PRMT8: variants seen among roughly 807,000 people sequenced by gnomAD.
PRMT8 encodes the protein protein arginine methyltransferase 8.
In PRMT8, 7 loss-of-function variants were observed where a neutral mutation model predicts 47.1. The observed-to-expected ratio is 0.15, with a 90% confidence interval of 0.08 to 0.28. The LOEUF is 0.28. Among genes scored for constraint, PRMT8 ranks in the 10% least tolerant of loss-of-function variants. The pLI, the probability that PRMT8 is intolerant of heterozygous loss-of-function variation, is 1.00. For synonymous variants in PRMT8, 188 were observed against 186.5 expected, an observed-to-expected ratio of 1.01 and a Z score of -0.07; for missense variants, 237 against 505.4, an observed-to-expected ratio of 0.47 and a Z score of 5.09.
chr12:3,536,667 C>T (rs954362952), intron 1 of PRMT8, among the ~76,000 whole-genome samples: 4 of 152,178 alleles, frequency 2.6e-5, no homozygotes, highest in African/African-American at 9.7e-5. Context: ...AGGGTCCTCC[C>T]TGGTGGCTGA....
At chr12:3,429,109 G>A (rs1236921503) in intron 1 of PRMT8, among the ~76,000 whole-genome samples, 1 of 152,050 alleles carries the variant, frequency 6.6e-6, no homozygotes, top group Admixed American at 6.6e-5. Context: ...TCTGTCAGCT[G>A]CTTATGCTGC....
intron 1 of PRMT8, among the ~76,000 whole-genome samples, chr12:3,479,343 G>A (rs1233426616): frequency 1.3e-5 from 2 of 152,164 alleles, no homozygotes; most frequent in Admixed American, 6.5e-5. Flanking sequence ...TGGCTTTTCC[G>A]CCATTGCCCC....
intron 1 of PRMT8, among the ~76,000 whole-genome samples, chr12:3,412,933 A>C (rs938162203): frequency 2.0e-5 from 3 of 152,162 alleles, no homozygotes; most frequent in Admixed American, 1.3e-4. Context: ...TGCTTTTCTA[A>C]TTACATTCCA....
chr12:3,449,025 A>G (rs1864889779), intron 1 of PRMT8, among the ~76,000 whole-genome samples: 1 of 152,166 alleles, frequency 6.6e-6, no homozygotes, highest in African/African-American at 2.4e-5. Flanking sequence ...GCTGAGGATA[A>G]TGGCTTCCAG....
chr12:3,390,133 C>G (rs1013019055), intron 1 of PRMT8, among the ~76,000 whole-genome samples: 2 of 152,264 alleles, frequency 1.3e-5, no homozygotes, highest in African/African-American at 4.8e-5. Flanking sequence ...CCCTAGGGCA[C>G]TAATTGCAGC....
At chr12:3,463,328 C>T (rs1865058940) in intron 1 of PRMT8, 1 of 152,184 alleles carries the variant, frequency 6.6e-6, no homozygotes, top group Admixed American at 6.5e-5. Flanking sequence ...CACATCCAGA[C>T]CTGTCTGTCT....
At position 3,572,114 on chromosome 12, in the gene PRMT8, CA is replaced by C. The variant is rs1866856690; in HGVS notation, c.712+2552del. Among the ~76,000 whole-genome samples the C allele has an allele frequency of 6.6e-6, 1 of 152,136 alleles. No homozygotes were observed. The highest frequency in any genetic ancestry group is 1.5e-5 in the Non-Finnish European group (1 of 68,026). ...CTTCTTCTTTCTCAACCACACACAG[CA>C]ACATGGGAGTGCAAGAATGAGGTCA... On this transcript the variant is annotated intron_variant, in intron 6 of 9. Coordinates refer to ENST00000382622, the MANE Select transcript of PRMT8 (RefSeq NM_019854.5). This position sits in a 1 kb window ranked among gnomAD's most constrained non-coding sequence, Gnocchi z 5.9.
At chr12:3,416,750 A>G (rs906077172) in intron 1 of PRMT8, among the ~76,000 whole-genome samples, 1 of 152,190 alleles carries the variant, frequency 6.6e-6, no homozygotes, top group African/African-American at 2.4e-5. Context: ...AAGGAGAAAA[A>G]CAAGTTGTGC....
intron 1 of PRMT8, among the ~76,000 whole-genome samples, chr12:3,497,300 TGCCTCTGTCC>T (rs1265218570): frequency 1.3e-5 from 2 of 152,202 alleles, no homozygotes; most frequent in Non-Finnish European, 2.9e-5. Flanking sequence ...ATTCTGTCCA[TGCCTCTGTCC>T]CTGAGAACCA....
At chr12:3,470,177 A>G (rs1409109458) in intron 1 of PRMT8, among the ~76,000 whole-genome samples, 1 of 152,248 alleles carries the variant, frequency 6.6e-6, no homozygotes, top group Non-Finnish European at 1.5e-5. Flanking sequence ...GGTTTCAAAT[A>G]GCAGGGAATG....
At chr12:3,487,158 T>C (rs1029003866), upstream of PRMT8, among the ~76,000 whole-genome samples, 1 of 152,126 alleles carries the variant, frequency 6.6e-6, no homozygotes, top group Non-Finnish European at 1.5e-5. Context: ...CATGAGGTGG[T>C]GATGGATCAT....
At chr12:3,448,853 C>T (rs55947811) in intron 1 of PRMT8, among the ~76,000 whole-genome samples, 18,434 of 151,982 alleles carry the variant, frequency 0.12, 1,253 homozygotes, top group Middle Eastern at 0.17. Flanking sequence ...GTATTAAGCC[C>T]CACATGCATT....
upstream of PRMT8, among the ~76,000 whole-genome samples, chr12:3,486,565 T>C (rs528539357): frequency 1.3e-5 from 2 of 152,260 alleles, no homozygotes; most frequent in African/African-American, 4.8e-5. Context: ...CCAGAGAGAT[T>C]TCCCATAAAA....
At chr12:3,434,048 C>T (rs553996891) in intron 1 of PRMT8, among the ~76,000 whole-genome samples, 41 of 152,188 alleles carry the variant, frequency 2.7e-4, no homozygotes, top group African/African-American at 9.2e-4. Flanking sequence ...TCCCCATAGG[C>T]GGGAGCAGGA....
intron 1 of PRMT8, among the ~76,000 whole-genome samples, chr12:3,515,475 C>T (rs900189760): frequency 5.3e-5 from 8 of 152,176 alleles, no homozygotes; most frequent in Admixed American, 2.0e-4. Context: ...CATAACAAAC[C>T]TGCACGTTGT....
At chr12:3,490,720 A>AGAG (rs3071246), upstream of PRMT8, among the ~76,000 whole-genome samples, 7 of 147,446 alleles carry the variant, frequency 4.7e-5, no homozygotes, top group Middle Eastern at 3.6e-3. Context: ...AGAGAGAGAG[A>AGAG]AAAGGATAAA....
intron 1 of PRMT8, among the ~76,000 whole-genome samples, chr12:3,539,512 A>AT (rs1043037780): frequency 6.6e-6 from 1 of 151,516 alleles, no homozygotes; most frequent in African/African-American, 2.4e-5. Flanking sequence ...TCCTTTTTTT[A>AT]TTTTTCTAGT....
chr12:3,468,810 CCCACA>C (rs1865132001), intron 1 of PRMT8: 1 of 154,670 alleles, frequency 6.5e-6, no homozygotes, highest in African/African-American at 2.4e-5. Flanking sequence ...CCCCCAATGT[CCCACA>C]TTTTTACAAG....
At chr12:3,582,913 G>A (rs1433023026) in intron 7 of PRMT8, 145 bp from the exon 8 acceptor site, 6 of 935,034 alleles carry the variant, frequency 6.4e-6, no homozygotes, top group Non-Finnish European at 7.8e-6. Flanking sequence ...GAGGGCGGTG[G>A]GGAGCCTGGG....
Sources: gnomAD v4.1 joint callset for allele counts (sites outside exome capture counted in the v4.1 genomes callset) on GRCh38, gnomAD v4.1.1 for gene constraint, Gnocchi (gnomAD v3.1) non-coding constraint, MANE v1.5 for transcripts, NCBI Gene and HGNC (gene_info 2026-07-23, HGNC 2026-07-21) for gene names.